The following RIGI variants were observed in gnomAD, a reference collection of about 807,000 sequenced individuals.
RIGI encodes antiviral innate immune response receptor RIG-I.
At chr9:32,501,632 A>G in the RIGI span, among the ~76,000 whole-genome samples, 14 of 152,338 alleles carry the variant, frequency 9.2e-5, no homozygotes, top group Middle Eastern at 3.4e-3. Flanking sequence ...CCCAGGGAGT[A>G]GTAATAAAAA....
chr9:32,524,596 G>GTTTTTTTTTTTTTTTTTTTTTT, the RIGI span, among the ~76,000 whole-genome samples: 31 of 67,582 alleles, frequency 4.6e-4, 4 homozygotes, highest in African/African-American at 1.5e-3. Flanking sequence ...TTGTTTTTCG[G>GTTTTTTTTTTTTTTTTTTTTTT]TTTTTTTTTT....
the RIGI span, chr9:32,487,442 T>C: frequency 1.2e-6 from 2 of 1,610,174 alleles, no homozygotes; most frequent in Non-Finnish European, 1.7e-6. Context: ...TAACAGAATC[T>C]CAAAGGCTTG....
At chr9:32,520,669 G>T in the RIGI span, among the ~76,000 whole-genome samples, 1 of 152,076 alleles carries the variant, frequency 6.6e-6, no homozygotes, top group Non-Finnish European at 1.5e-5. Flanking sequence ...ATTAGTTCAG[G>T]GTTTTTCTAT....
the RIGI span, among the ~76,000 whole-genome samples, chr9:32,470,393 G>A: frequency 2.0e-5 from 3 of 152,174 alleles, no homozygotes; most frequent in Non-Finnish European, 2.9e-5. Context: ...ATTATAGTTG[G>A]AAAGCAGCCA....
chr9:32,490,057 G>A, the RIGI span, among the ~76,000 whole-genome samples: 4 of 152,172 alleles, frequency 2.6e-5, no homozygotes, highest in Non-Finnish European at 5.9e-5. Flanking sequence ...TTTCTAAAAG[G>A]TTAAGTGAAT....
the RIGI span, among the ~76,000 whole-genome samples, chr9:32,503,471 T>C: frequency 6.6e-6 from 1 of 152,132 alleles, no homozygotes; most frequent in Non-Finnish European, 1.5e-5. Context: ...CTTCTCAAGG[T>C]AGAATTTCTT....
the RIGI span, among the ~76,000 whole-genome samples, chr9:32,495,182 T>C: frequency 1.3e-5 from 2 of 152,048 alleles, no homozygotes; most frequent in South Asian, 2.1e-4. Context: ...TCCTCACCTA[T>C]ATGCATTATT....
At chr9:32,466,690 C>CAAAAAAA in the RIGI span, among the ~76,000 whole-genome samples, 97 of 68,604 alleles carry the variant, frequency 1.4e-3, 6 homozygotes, top group African/African-American at 5.7e-3. Flanking sequence ...AGACCTATCT[C>CAAAAAAA]AAAAAAAAAA....
the RIGI span, chr9:32,456,942 T>G: frequency 1.7e-6 from 1 of 575,334 alleles, no homozygotes; most frequent in East Asian, 2.9e-5. Context: ...TACAAAATAC[T>G]CAGTGCTGTG....
chr9:32,471,176 T>G, the RIGI span, among the ~76,000 whole-genome samples: 1 of 152,364 alleles, frequency 6.6e-6, no homozygotes, highest in East Asian at 1.9e-4. Flanking sequence ...GAGAATCACT[T>G]GAAACTGGAA....
At chr9:32,490,925 A>G in the RIGI span, among the ~76,000 whole-genome samples, 1 of 152,332 alleles carries the variant, frequency 6.6e-6, no homozygotes, top group Non-Finnish European at 1.5e-5. Context: ...CAGGGATCCT[A>G]AAAGGAAATT....
At chr9:32,467,880 T>A in the RIGI span, 1 of 1,613,326 alleles carries the variant, frequency 6.2e-7, no homozygotes, top group Non-Finnish European at 8.5e-7. Flanking sequence ...TATTGTGATC[T>A]CCACTGGCTT....
chr9:32,470,140 C>G, the RIGI span, among the ~76,000 whole-genome samples: 4 of 152,284 alleles, frequency 2.6e-5, no homozygotes, highest in South Asian at 6.2e-4. Context: ...TACATACTTT[C>G]TGTTATTTTT....
the RIGI span, among the ~76,000 whole-genome samples, chr9:32,455,455 A>T: frequency 1.5e-4 from 23 of 152,228 alleles, no homozygotes; most frequent in Middle Eastern, 0.01. Context: ...ATTGTCAAAC[A>T]CTTATAAAAC....
chr9:32,515,654 C>T, the RIGI span, among the ~76,000 whole-genome samples: 1 of 152,176 alleles, frequency 6.6e-6, no homozygotes, highest in Admixed American at 6.5e-5. Context: ...CTTCCTTGCC[C>T]TCTATTTATT....
the RIGI span, chr9:32,501,025 C>T: frequency 6.8e-7 from 1 of 1,473,078 alleles, no homozygotes; most frequent in Non-Finnish European, 9.3e-7. Context: ...CCAGACCTTC[C>T]CAAATAGGGA....
chr9:32,518,532 G>A, the RIGI span, among the ~76,000 whole-genome samples: 1 of 152,140 alleles, frequency 6.6e-6, no homozygotes, highest in Non-Finnish European at 1.5e-5. Flanking sequence ...AAAATACAAA[G>A]TATAAAAGGC....
the RIGI span, among the ~76,000 whole-genome samples, chr9:32,521,147 A>AAAAAAAAAAAAAAC: frequency 6.7e-6 from 1 of 149,984 alleles, no homozygotes; most frequent in African/African-American, 2.4e-5. Context: ...CTCAAAAAAA[A>AAAAAAAAAAAAAAC]AAAAAAAAAA....
At chr9:32,491,950 CA>C in the RIGI span, among the ~76,000 whole-genome samples, 2 of 152,172 alleles carry the variant, frequency 1.3e-5, no homozygotes, top group Non-Finnish European at 2.9e-5. Context: ...CACTTAATGA[CA>C]ACCAATTCTT....
Sources: allele counts gnomAD v4.1 joint callset (sites outside exome capture counted in the v4.1 genomes callset), GRCh38; gene constraint gnomAD v4.1.1; transcripts MANE v1.5; gene names NCBI Gene and HGNC (gene_info 2026-07-23, HGNC 2026-07-21).